GPHN: variants seen among roughly 807,000 people sequenced by gnomAD.
GPHN encodes the protein gephyrin.
In GPHN, 17 loss-of-function variants were observed where a neutral mutation model predicts 95.5. The ratio of observed to expected loss-of-function variants is 0.18; its 90% CI spans 0.12 to 0.27. The LOEUF (loss-of-function observed/expected upper bound fraction) is 0.27, where lower values mean the gene tolerates loss of function less well. GPHN is among the 10% of genes least tolerant of loss of function. GPHN has a pLI of 1.00. For missense variants in GPHN, 660 were observed against 978.1 expected (o/e 0.67, Z 4.34); for synonymous variants, 320 against 322.5 (o/e 0.99, Z 0.08).
chr14:66,812,150 A>C (rs2060789758), intron 3 of GPHN, among the ~76,000 whole-genome samples: 1 of 152,202 alleles, frequency 6.6e-6, no homozygotes, highest in African/African-American at 2.4e-5. Flanking sequence ...CTGAAATTCT[A>C]TAAATAAACT....
the GPHN span, among the ~76,000 whole-genome samples, chr14:67,286,018 G>T: frequency 1.3e-5 from 2 of 152,110 alleles, no homozygotes; most frequent in African/African-American, 4.8e-5. Flanking sequence ...GAAGATGGGA[G>T]CTTAATTTCT....
At chr14:66,564,351 CAA>C (rs2060375881) in intron 1 of GPHN, among the ~76,000 whole-genome samples, 1 of 152,006 alleles carries the variant, frequency 6.6e-6, no homozygotes, top group African/African-American at 2.4e-5. Context: ...CTTGGAAAGA[CAA>C]AGTCACTGAA....
rs987932341 is a variant in GPHN, at chr14:66,576,793, A to G, written c.64+68202A>G. Among the ~76,000 whole-genome samples, 4 of 152,184 alleles carry G rather than the reference A, an allele frequency of 2.6e-5. No individual in the cohort carries two copies. In the South Asian group the frequency reaches 8.3e-4, roughly 32 times the overall value. On this transcript the variant is annotated intron_variant, in intron 1 of 22. Coordinates refer to ENST00000478722, the MANE Select transcript of GPHN (RefSeq NM_020806.5). ...AGTATATTTTTAGTGAGTGCTGGCT[A>G]TCTTCTGTATTTAATTACTGAAAGA...
chr14:67,478,528 C>T, the GPHN span, among the ~76,000 whole-genome samples: 49 of 151,946 alleles, frequency 3.2e-4, no homozygotes, highest in African/African-American at 9.2e-4. Context: ...AAAAACGCAA[C>T]CTTTCTAAAA....
At chr14:67,266,527 T>C in the GPHN span, among the ~76,000 whole-genome samples, 2 of 152,124 alleles carry the variant, frequency 1.3e-5, no homozygotes, top group African/African-American at 2.4e-5. Flanking sequence ...GGTTTCACCA[T>C]GTTGGCCAGG....
the GPHN span, among the ~76,000 whole-genome samples, chr14:67,207,635 CTGACCAACTGCCT>C: frequency 6.6e-6 from 1 of 152,148 alleles, no homozygotes; most frequent in Non-Finnish European, 1.5e-5. Context: ...TTAGGGCCTG[CTGACCAACTGCCT>C]TGAGCCCTAA....
chr14:67,405,481 C>T, the GPHN span, among the ~76,000 whole-genome samples: 1 of 152,082 alleles, frequency 6.6e-6, no homozygotes, highest in Non-Finnish European at 1.5e-5. Flanking sequence ...AGACAGACAC[C>T]TACCCCACCC....
At chr14:67,233,836 C>T in the GPHN span, among the ~76,000 whole-genome samples, 1 of 152,150 alleles carries the variant, frequency 6.6e-6, no homozygotes, top group Admixed American at 6.5e-5. Flanking sequence ...AATAGTTCTG[C>T]CATGTAAAAT....
chr14:67,070,342 T>C (rs1595022005), intron 11 of GPHN, among the ~76,000 whole-genome samples: 2 of 148,482 alleles, frequency 1.3e-5, no homozygotes, highest in Admixed American at 6.8e-5. Flanking sequence ...TATATATATA[T>C]ATACACACAT....
At chr14:66,907,379 A>G (rs939715363) in intron 5 of GPHN, among the ~76,000 whole-genome samples, 1 of 152,212 alleles carries the variant, frequency 6.6e-6, no homozygotes, top group Non-Finnish European at 1.5e-5. Flanking sequence ...AAGTAAAATT[A>G]TAAGAACAGT....
intron 8 of GPHN, among the ~76,000 whole-genome samples, chr14:66,948,358 A>T (rs1313090588): frequency 6.6e-6 from 1 of 152,200 alleles, no homozygotes; most frequent in Admixed American, 6.5e-5. Context: ...CTTGATAGTC[A>T]TACTTCATAT....
intron 1 of GPHN, among the ~76,000 whole-genome samples, chr14:66,536,875 T>C (rs2059165235): frequency 3.2e-5 from 3 of 94,834 alleles, no homozygotes; most frequent in African/African-American, 1.6e-4. Flanking sequence ...TGACTGTAGT[T>C]TTGTTGACTT....
chr14:67,135,147 A>T (rs1377834416), intron 17 of GPHN, among the ~76,000 whole-genome samples: 3 of 151,484 alleles, frequency 2.0e-5, no homozygotes, highest in African/African-American at 7.3e-5. Flanking sequence ...TTTAGTAGAG[A>T]CAGGGTTTCA....
In GPHN at chr14:66,508,409, C is replaced by T; in HGVS notation, c.-119C>T. ...GGCCTCCCCCTCCTTCCCCGCTCTC[C>T]TCGCGCTTCTCTGGCTCCCTAGCTG... is the stretch of plus-strand genomic sequence containing the variant. On this transcript the variant is annotated 5_prime_UTR_variant, in exon 1 of 23. Transcript: ENST00000478722. The T allele has an allele frequency of 2.2e-6, 2 of 907,546 alleles. No homozygotes were observed. Among genetic ancestry groups the T allele is most frequent in the Non-Finnish European group, 3.7e-6 (2 of 539,636 alleles). 56.2% of individuals were successfully genotyped at this position (907,546 alleles called of 1,614,324 possible). A position where few individuals can be genotyped will look rare whatever the true frequency, so the allele number is the denominator to read the frequency against.
intron 4 of GPHN, among the ~76,000 whole-genome samples, chr14:66,857,483 GACA>G (rs1416921376): frequency 6.6e-6 from 1 of 152,150 alleles, no homozygotes; most frequent in East Asian, 1.9e-4. Flanking sequence ...CAGGCTTTTC[GACA>G]ACATTGGAAT....
the GPHN span, among the ~76,000 whole-genome samples, chr14:67,402,148 A>T: frequency 6.6e-6 from 1 of 152,162 alleles, no homozygotes; most frequent in Non-Finnish European, 1.5e-5. Context: ...AACAACAACA[A>T]CATCAACAAA....
At chr14:67,285,299 T>C in the GPHN span, among the ~76,000 whole-genome samples, 1 of 152,174 alleles carries the variant, frequency 6.6e-6, no homozygotes, top group African/African-American at 2.4e-5. Context: ...TCTGTTTTCA[T>C]ATGGGGTAAA....
the GPHN span, chr14:67,320,324 G>GA: frequency 6.2e-7 from 1 of 1,613,810 alleles, no homozygotes; most frequent in Non-Finnish European, 8.5e-7. Context: ...TTGGTCCACA[G>GA]AACTGTGGCC....
chr14:67,679,156 G>C, the GPHN span, among the ~76,000 whole-genome samples: 1 of 152,188 alleles, frequency 6.6e-6, no homozygotes, highest in South Asian at 2.1e-4. Flanking sequence ...ATGGGCAAGA[G>C]AGGGAAGGGG....
Sources: allele counts gnomAD v4.1 joint callset (sites outside exome capture counted in the v4.1 genomes callset), GRCh38; gene constraint gnomAD v4.1.1; transcripts MANE v1.5; gene names NCBI Gene and HGNC (gene_info 2026-07-23, HGNC 2026-07-21).